Variants in LINGO2 observed in about 807,000 individuals in gnomAD.
LINGO2 encodes leucine-rich repeat and immunoglobulin-like domain-containing nogo receptor-interacting protein 2.
In LINGO2, 14 loss-of-function variants were observed where a neutral mutation model predicts 30.6. The observed-to-expected ratio is 0.46, with a 90% CI of 0.30 to 0.72. The LOEUF is 0.72. Ranked by LOEUF, LINGO2 falls within the 30% of genes least tolerant of loss-of-function variation. The pLI, the probability that LINGO2 is intolerant of heterozygous loss-of-function variation, is 0.07. For missense variants in LINGO2, 729 were observed against 751.7 expected, an observed-to-expected ratio of 0.97 and a Z score of 0.35; for synonymous variants, 317 against 288.5, an observed-to-expected ratio of 1.10 and a Z score of -1.00.
At chr9:29,017,996 T>C in the LINGO2 span, among the ~76,000 whole-genome samples, 1 of 149,448 alleles carries the variant, frequency 6.7e-6, no homozygotes, top group East Asian at 2.0e-4. Context: ...CCATCAATGG[T>C]GGACTGGATA....
At chr9:28,508,125 T>C (rs906143467) in intron 1 of LINGO2, among the ~76,000 whole-genome samples, 1 of 152,128 alleles carries the variant, frequency 6.6e-6, no homozygotes, top group African/African-American at 2.4e-5. Context: ...TGGCACATAT[T>C]ATGGCTCTAA....
the LINGO2 span, among the ~76,000 whole-genome samples, chr9:28,813,291 G>A: frequency 6.6e-6 from 1 of 152,076 alleles, no homozygotes; most frequent in South Asian, 2.1e-4. Flanking sequence ...ACATGATATG[G>A]TTTTCTCTAC....
intron 4 of LINGO2, among the ~76,000 whole-genome samples, chr9:28,292,742 G>A (rs957906116): frequency 1.3e-5 from 2 of 150,560 alleles, no homozygotes; most frequent in Non-Finnish European, 3.0e-5. Context: ...AGGATTACAG[G>A]CATGAGCCAC....
chr9:28,368,070 C>G lies in LINGO2; in HGVS notation c.-246+4766G>C, dbSNP rs564707075. Among the ~76,000 whole-genome samples the G allele has an allele frequency of 1.7e-3, 262 of 152,134 alleles. 3 individuals carry two copies. Among genetic ancestry groups the G allele is most frequent in the African/African-American group, 5.5e-3 (229 of 41,508 alleles). On this transcript the variant is annotated intron_variant, in intron 3 of 5. Coordinates refer to ENST00000379992, the Ensembl canonical transcript of LINGO2. ...TCTATCTCTGTATCTCTATCTCTAT[C>G]TCATCTATCTATACATCCTGTTCTA... is the stretch of plus-strand genomic sequence containing the variant.
At chr9:28,890,232 T>C in the LINGO2 span, among the ~76,000 whole-genome samples, 1 of 151,396 alleles carries the variant, frequency 6.6e-6, no homozygotes, top group African/African-American at 2.4e-5. Flanking sequence ...TTTGTTTTTG[T>C]GGGGCAAAAG....
intron 4 of LINGO2, among the ~76,000 whole-genome samples, chr9:28,205,326 T>C (rs575558261): frequency 6.6e-6 from 1 of 152,262 alleles, no homozygotes; most frequent in South Asian, 2.1e-4. Context: ...CTGGAATTCC[T>C]TTCCCCCAGA....
At chr9:28,626,838 G>GTC (rs1826703920) in intron 1 of LINGO2, among the ~76,000 whole-genome samples, 1 of 151,404 alleles carries the variant, frequency 6.6e-6, no homozygotes, top group Non-Finnish European at 1.5e-5. Flanking sequence ...GTGTGTGTGT[G>GTC]TGTGTGTCTT....
chr9:28,221,286 CCA>C (rs1820954759), intron 4 of LINGO2, among the ~76,000 whole-genome samples: 1 of 105,182 alleles, frequency 9.5e-6, no homozygotes, highest in Non-Finnish European at 1.7e-5. Flanking sequence ...GGTGACAGAG[CCA>C]GACCCCGTCT....
chr9:29,127,136 C>A, the LINGO2 span, among the ~76,000 whole-genome samples: 1 of 152,096 alleles, frequency 6.6e-6, no homozygotes, highest in African/African-American at 2.4e-5. Flanking sequence ...CGGGAAACCT[C>A]TAGAGAGTAT....
At chr9:28,671,513 C>CAAAAAA (rs11286682), upstream of LINGO2, among the ~76,000 whole-genome samples, 10 of 105,650 alleles carry the variant, frequency 9.5e-5, no homozygotes, top group East Asian at 3.1e-4. Context: ...TTATCTTAAG[C>CAAAAAA]AAAAAAAAAA....
the LINGO2 span, among the ~76,000 whole-genome samples, chr9:29,136,385 A>G: frequency 6.6e-6 from 1 of 152,198 alleles, no homozygotes; most frequent in Non-Finnish European, 1.5e-5. Context: ...AATTTAGTTT[A>G]GAAATGTTAT....
At chr9:29,106,472 C>G in the LINGO2 span, among the ~76,000 whole-genome samples, 1 of 152,062 alleles carries the variant, frequency 6.6e-6, no homozygotes, top group East Asian at 1.9e-4. Flanking sequence ...TGGGAACACA[C>G]GGAATTCTCT....
chr9:28,752,785 C>T, the LINGO2 span, among the ~76,000 whole-genome samples: 1 of 152,046 alleles, frequency 6.6e-6, no homozygotes, highest in South Asian at 2.1e-4. Flanking sequence ...GGGCTTTATA[C>T]AGAAAAAAAG....
At chr9:29,114,943 T>A in the LINGO2 span, among the ~76,000 whole-genome samples, 6,248 of 151,794 alleles carry the variant, frequency 0.041, 198 homozygotes, top group Admixed American at 0.08. Context: ...ATAAAACTTA[T>A]GTTGGAAAAT....
exon 6 of LINGO2, chr9:27,950,529 A>C: frequency 6.4e-7 from 1 of 1,573,820 alleles, no homozygotes; most frequent in Non-Finnish European, 8.6e-7. Flanking sequence ...GATGGCGATC[A>C]ATCGCCTTCT....
chr9:28,956,875 A>G, the LINGO2 span, among the ~76,000 whole-genome samples: 10 of 150,822 alleles, frequency 6.6e-5, no homozygotes, highest in Non-Finnish European at 8.8e-5. Context: ...AAATATTTAA[A>G]CTGATTTAAA....
chr9:28,433,973 A>G (rs531568078), intron 2 of LINGO2, among the ~76,000 whole-genome samples: 5 of 146,304 alleles, frequency 3.4e-5, no homozygotes. Context: ...ATATACACAC[A>G]CACACATGAA....
At chr9:29,138,390 T>C in the LINGO2 span, among the ~76,000 whole-genome samples, 1 of 152,274 alleles carries the variant, frequency 6.6e-6, no homozygotes, top group South Asian at 2.1e-4. Flanking sequence ...CTTTACTCAC[T>C]ATACAATATA....
At chr9:28,995,462 C>T in the LINGO2 span, among the ~76,000 whole-genome samples, 4 of 152,144 alleles carry the variant, frequency 2.6e-5, no homozygotes, top group Admixed American at 1.3e-4. Context: ...GTCAGTGTGG[C>T]CATGCCTCAG....
Sources: allele counts gnomAD v4.1 joint callset (sites outside exome capture counted in the v4.1 genomes callset), GRCh38; gene constraint gnomAD v4.1.1; transcripts MANE v1.5; gene names NCBI Gene and HGNC (gene_info 2026-07-23, HGNC 2026-07-21).